The following TOP6BL variants were observed in gnomAD, a reference collection of about 807,000 sequenced individuals.
The protein encoded by TOP6BL is type 2 DNA topoisomerase 6 subunit B-like.
At chr11:66,747,776 G>A in the TOP6BL span, among the ~76,000 whole-genome samples, 8 of 151,920 alleles carry the variant, frequency 5.3e-5, no homozygotes, top group Non-Finnish European at 1.0e-4. Flanking sequence ...ACGCCACCAC[G>A]CTGGGCTAAT....
At chr11:66,838,455 T>C in the TOP6BL span, 4 of 1,613,082 alleles carry the variant, frequency 2.5e-6, no homozygotes, top group Non-Finnish European at 3.4e-6. Context: ...GGTAAGGTTT[T>C]AGCTTTTCAA....
the TOP6BL span, among the ~76,000 whole-genome samples, chr11:66,780,986 A>G: frequency 6.6e-6 from 1 of 151,790 alleles, no homozygotes; most frequent in Non-Finnish European, 1.5e-5. Context: ...TTTTATCTTT[A>G]TCTTTGGTTT....
At chr11:66,803,213 C>T in the TOP6BL span, among the ~76,000 whole-genome samples, 2 of 152,082 alleles carry the variant, frequency 1.3e-5, no homozygotes, top group Non-Finnish European at 2.9e-5. Context: ...CCCCCTCACA[C>T]AATGCTGACC....
the TOP6BL span, among the ~76,000 whole-genome samples, chr11:66,803,259 A>AT: frequency 6.6e-6 from 1 of 152,104 alleles, no homozygotes; most frequent in Non-Finnish European, 1.5e-5. Flanking sequence ...AGAACCAAAG[A>AT]TTAATTTTAG....
At chr11:66,775,356 A>G in the TOP6BL span, among the ~76,000 whole-genome samples, 4 of 152,218 alleles carry the variant, frequency 2.6e-5, no homozygotes, top group Non-Finnish European at 4.4e-5. Context: ...GCAAATGGCT[A>G]TAAGCCAAAG....
the TOP6BL span, among the ~76,000 whole-genome samples, chr11:66,821,161 G>A: frequency 6.6e-6 from 1 of 152,074 alleles, no homozygotes; most frequent in Non-Finnish European, 1.5e-5. Flanking sequence ...GTGATAATTT[G>A]TACACCTCTG....
chr11:66,765,254 A>G, the TOP6BL span, among the ~76,000 whole-genome samples: 1 of 152,164 alleles, frequency 6.6e-6, no homozygotes, highest in South Asian at 2.1e-4. Context: ...ACTCTAGACA[A>G]TTTTTGTCAT....
chr11:66,784,682 A>G, the TOP6BL span, among the ~76,000 whole-genome samples: 1 of 152,172 alleles, frequency 6.6e-6, no homozygotes, highest in South Asian at 2.1e-4. Context: ...TTATATTTTC[A>G]AGGCCTATCC....
chr11:66,817,851 T>A, the TOP6BL span, among the ~76,000 whole-genome samples: 16 of 152,096 alleles, frequency 1.1e-4, no homozygotes, highest in African/African-American at 3.6e-4. Context: ...TGGCCTCAAG[T>A]GATTCTTAAA....
chr11:66,744,774 C>G, the TOP6BL span: 4 of 1,229,086 alleles, frequency 3.3e-6, no homozygotes, highest in South Asian at 3.9e-5. Flanking sequence ...TGGGCGTGGA[C>G]TCGGGCGTGG....
the TOP6BL span, chr11:66,843,473 G>GGATGGGCTGCGACTGCTGTCGGT: frequency 6.9e-7 from 1 of 1,441,264 alleles, no homozygotes; most frequent in Non-Finnish European, 9.0e-7. Context: ...CGCTGGGCGG[G>GGATGGGCTGCGACTGCTGTCGGT]GATGGGCTGC....
the TOP6BL span, among the ~76,000 whole-genome samples, chr11:66,831,691 G>A: frequency 6.6e-6 from 1 of 152,096 alleles, no homozygotes; most frequent in Non-Finnish European, 1.5e-5. Context: ...ATGCACATGT[G>A]TACTTAAAAA....
chr11:66,753,623 G>T, the TOP6BL span, among the ~76,000 whole-genome samples: 28,348 of 151,332 alleles, frequency 0.19, 3,286 homozygotes, highest in Middle Eastern at 0.31. Context: ...AGCCAGGATG[G>T]TCTCTATCTC....
the TOP6BL span, chr11:66,744,844 G>GGCA: frequency 7.6e-7 from 1 of 1,319,704 alleles, no homozygotes; most frequent in Non-Finnish European, 9.7e-7. Context: ...CGGCGGCGGC[G>GGCA]GGCGGGTACC....
the TOP6BL span, among the ~76,000 whole-genome samples, chr11:66,756,065 A>G: frequency 6.6e-6 from 1 of 152,236 alleles, no homozygotes; most frequent in Non-Finnish European, 1.5e-5. Flanking sequence ...GAGATGATTC[A>G]TCTATCAGAA....
the TOP6BL span, among the ~76,000 whole-genome samples, chr11:66,798,597 C>CAAAA: frequency 2.3e-5 from 1 of 43,232 alleles, no homozygotes. Context: ...GACTCTGTCT[C>CAAAA]AAAAAAAAAA....
At chr11:66,765,480 T>C in the TOP6BL span, among the ~76,000 whole-genome samples, 1 of 152,202 alleles carries the variant, frequency 6.6e-6, no homozygotes, top group African/African-American at 2.4e-5. Flanking sequence ...GCTCTTAATA[T>C]TAACCTCCAC....
At chr11:66,751,541 TGCCCA>T in the TOP6BL span, among the ~76,000 whole-genome samples, 1 of 151,534 alleles carries the variant, frequency 6.6e-6, no homozygotes. Context: ...CTCCCTATGT[TGCCCA>T]GGCTGGTCTT....
At chr11:66,756,303 G>A in the TOP6BL span, 2 of 1,139,950 alleles carry the variant, frequency 1.8e-6, no homozygotes, top group Admixed American at 3.7e-5. Context: ...TACTGTTTGG[G>A]AAATGCTACA....
Sources: gnomAD v4.1 joint callset for allele counts (sites outside exome capture counted in the v4.1 genomes callset) on GRCh38, gnomAD v4.1.1 for gene constraint, MANE v1.5 for transcripts, NCBI Gene and HGNC (gene_info 2026-07-23, HGNC 2026-07-21) for gene names.